Variants in CTTN observed in about 807,000 individuals in gnomAD.
CTTN encodes the protein cortactin.
Under a neutral mutation model 84.0 loss-of-function variants are expected in CTTN, and 28 were observed. The observed-to-expected ratio is 0.33, with a 90% CI of 0.25 to 0.46. The LOEUF (loss-of-function observed/expected upper bound fraction) is 0.46, where lower values mean the gene tolerates loss of function less well. Ranked by LOEUF, CTTN falls within the 20% of genes least tolerant of loss-of-function variation. The pLI is 1.00. For synonymous variants in CTTN, 301 were observed against 288.8 expected (o/e 1.04, Z -0.43); for missense variants, 641 against 723.8 (o/e 0.89, Z 1.31).
Position 70,436,034 on chromosome 11 carries a change from G to T in CTTN, c.*872G>T. On this transcript the variant is annotated 3_prime_UTR_variant, in exon 18 of 18. Transcript: ENST00000301843. ...CCGGGCAGCCTGGGGCGGTGTGTGTGCCATGTCACAGCATGGCCTCTCGGC... is the reference window on the plus strand; with the variant it reads ...CCGGGCAGCCTGGGGCGGTGTGTGTTCCATGTCACAGCATGGCCTCTCGGC... 1.4e-6 allele frequency: 2 copies of T among 1,424,030 alleles called. No individual in the cohort carries two copies. Among genetic ancestry groups the T allele is most frequent in the Non-Finnish European group, 9.1e-7 (1 of 1,095,156 alleles). The allele number at this position is 1,424,030 out of a possible 1,614,324, so 88.2% of individuals were successfully genotyped here. A position where few individuals can be genotyped will look rare whatever the true frequency, so the allele number is the denominator to read the frequency against.
At position 70,420,032 on chromosome 11, in the gene CTTN, T is replaced by C. The variant is rs1591442260; in HGVS notation, c.679+176T>C. The C allele has an allele frequency of 8.0e-6, 5 of 626,514 alleles. No individual in the cohort carries two copies. The East Asian group carries it at 1.1e-4, about 14-fold the overall frequency. The allele number at this position is 626,514 out of a possible 1,614,324, so 38.8% of individuals were successfully genotyped here. A position where few individuals can be genotyped will look rare whatever the true frequency, so the allele number is the denominator to read the frequency against. The stretch of plus-strand genomic sequence containing the variant: ...AGAAACACAGCTGCTAAATAGGAAC[T>C]CGCAGCTTGAGTGTTATGGCGCTCC... On this transcript the variant is annotated intron_variant, in intron 9 of 17. Coordinates refer to ENST00000301843, the MANE Select transcript of CTTN (RefSeq NM_005231.4).
chr11:70,409,802 C>A, intron 4 of CTTN, 29 bp from the exon 5 acceptor site: 1 of 1,610,992 alleles, frequency 6.2e-7, no homozygotes, highest in Non-Finnish European at 8.5e-7. Flanking sequence ...TTTTATTGAT[C>A]TGTTCCTATT....
chr11:70,400,339 A>C (rs1429233183), intron 1 of CTTN, among the ~76,000 whole-genome samples: 1 of 152,084 alleles, frequency 6.6e-6, no homozygotes, highest in Non-Finnish European at 1.5e-5. Context: ...GTTGGCTTGC[A>C]CCTGTTGTCC....
At chr11:70,422,893 T>TG (rs778401655) in intron 11 of CTTN, 47 bp from the exon 12 acceptor site, 3 of 1,613,634 alleles carry the variant, frequency 1.9e-6, no homozygotes, top group East Asian at 4.5e-5. Context: ...GCCACCCCCA[T>TG]GCTCGCCTCC....
chr11:70,428,254 C>G (rs1397476539), intron 13 of CTTN, among the ~76,000 whole-genome samples: 1 of 149,110 alleles, frequency 6.7e-6, no homozygotes, highest in Non-Finnish European at 1.5e-5. Flanking sequence ...CAACCCCTGC[C>G]TCCCAGGTTC....
intron 5 of CTTN, among the ~76,000 whole-genome samples, chr11:70,413,816 T>C (rs1486109638): frequency 2.0e-5 from 3 of 152,250 alleles, no homozygotes; most frequent in Non-Finnish European, 4.4e-5. Context: ...CAAAATAGTT[T>C]GCTGGCAGAC....
chr11:70,431,670 C>T (rs1194871624), intron 15 of CTTN, among the ~76,000 whole-genome samples: 1 of 152,108 alleles, frequency 6.6e-6, no homozygotes, highest in Non-Finnish European at 1.5e-5. Flanking sequence ...CATCACTGAG[C>T]CCCTGCCTCC....
At chr11:70,402,345 C>T (rs1292926704) in intron 1 of CTTN, among the ~76,000 whole-genome samples, 2 of 152,234 alleles carry the variant, frequency 1.3e-5, no homozygotes, top group Non-Finnish European at 2.9e-5. Flanking sequence ...ACATACCATA[C>T]AATACGCCTG....
chr11:70,421,289 G>A (rs1451866531), intron 10 of CTTN, among the ~76,000 whole-genome samples, 181 bp from the exon 11 acceptor site: 1 of 152,186 alleles, frequency 6.6e-6, no homozygotes, highest in Non-Finnish European at 1.5e-5. Context: ...ATTCTTTAAC[G>A]TTGACCTCTG....
At chr11:70,421,672 A>G (rs756797440) in intron 11 of CTTN, 92 bp downstream of exon 11, 8 of 847,314 alleles carry the variant, frequency 9.4e-6, no homozygotes, top group African/African-American at 1.7e-5. Flanking sequence ...AGCACCTGCA[A>G]CACAGTCCTC....
chr11:70,428,974 T>C, intron 13 of CTTN, 77 bp from the exon 14 acceptor site: 5 of 1,559,578 alleles, frequency 3.2e-6, no homozygotes, highest in Non-Finnish European at 3.5e-6. Context: ...GAGGTCACTC[T>C]GTGTGGGTGG....
At chr11:70,403,186 C>CTTTTTTTTT (rs1209259210) in intron 1 of CTTN, among the ~76,000 whole-genome samples, 1 of 114,706 alleles carries the variant, frequency 8.7e-6, no homozygotes, top group Non-Finnish European at 1.8e-5. Context: ...ATAAGAGTTC[C>CTTTTTTTTT]TTTTTTTTTT....
intron 15 of CTTN, among the ~76,000 whole-genome samples, chr11:70,432,061 G>C (rs2058359099): frequency 6.6e-6 from 1 of 152,184 alleles, no homozygotes; most frequent in African/African-American, 2.4e-5. Context: ...GGAGCCCAGA[G>C]AGAGCCCTGG....
chr11:70,418,624 TC>T (rs1240314799), intron 8 of CTTN, among the ~76,000 whole-genome samples: 1 of 152,146 alleles, frequency 6.6e-6, no homozygotes, highest in African/African-American at 2.4e-5. Flanking sequence ...TTTCCTGGCA[TC>T]CCCCTGCGTG....
chr11:70,417,540 G>T (rs2058178528), intron 8 of CTTN, among the ~76,000 whole-genome samples: 1 of 151,390 alleles, frequency 6.6e-6, no homozygotes, highest in African/African-American at 2.4e-5. Context: ...CCGTTGCCCA[G>T]GCTGGAGTGT....
intron 6 of CTTN, 96 bp downstream of exon 6, chr11:70,414,748 G>T: frequency 5.9e-6 from 5 of 843,132 alleles, no homozygotes; most frequent in Non-Finnish European, 2.0e-6. Context: ...TAGCAGGCAG[G>T]TGCCCTCCAG....
intron 16 of CTTN, 92 bp downstream of exon 16, chr11:70,433,370 G>A: frequency 1.5e-6 from 2 of 1,305,990 alleles, no homozygotes; most frequent in Non-Finnish European, 1.0e-6. Context: ...AGGAGCGTGG[G>A]TTTCCCACTG....
intron 15 of CTTN, 42 bp downstream of exon 15, chr11:70,431,322 G>C: frequency 6.3e-7 from 1 of 1,593,128 alleles, no homozygotes; most frequent in Non-Finnish European, 8.6e-7. Flanking sequence ...GTGACTTACT[G>C]CCAGAGCCCA....
At chr11:70,424,235 G>T (rs1471554173) in intron 12 of CTTN, among the ~76,000 whole-genome samples, 2 of 152,142 alleles carry the variant, frequency 1.3e-5, no homozygotes, top group Non-Finnish European at 2.9e-5. Context: ...ACGGAGGGAA[G>T]GAGCTCCCCT....
Sources: gnomAD v4.1 joint callset for allele counts (sites outside exome capture counted in the v4.1 genomes callset) on GRCh38, gnomAD v4.1.1 for gene constraint, MANE v1.5 for transcripts, NCBI Gene and HGNC (gene_info 2026-07-23, HGNC 2026-07-21) for gene names.